CYFIP1: variants seen among roughly 807,000 people sequenced by gnomAD.
CYFIP1 encodes cytoplasmic FMR1 interacting protein 1.
In CYFIP1, 58 loss-of-function variants were observed where a neutral mutation model predicts 163.5. The ratio of observed to expected loss-of-function variants is 0.35; its 90% CI spans 0.29 to 0.44. The LOEUF (loss-of-function observed/expected upper bound fraction) is 0.44, where lower values mean the gene tolerates loss of function less well. Ranked by LOEUF, CYFIP1 falls within the 20% of genes least tolerant of loss-of-function variation. The pLI is 1.00. For synonymous variants in CYFIP1, 663 were observed against 660.7 expected (o/e 1.00, Z -0.05); for missense variants, 1,338 against 1,653.8 (o/e 0.81, Z 3.31).
chr15:22,935,626 C>A (rs1337616643), intron 9 of CYFIP1, among the ~76,000 whole-genome samples: 2 of 151,930 alleles, frequency 1.3e-5, no homozygotes, highest in Non-Finnish European at 2.9e-5. Flanking sequence ...CTACTGGAGG[C>A]AGGAGGAGGA....
rs370179632 is a variant in CYFIP1, at chr15:22,868,386, T to C, written c.*1642A>G. The C allele has an allele frequency of 5.3e-5, 8 of 152,330 alleles. No individual in the cohort carries two copies. The highest frequency in any genetic ancestry group is 1.7e-4 in the African/African-American group (7 of 41,572). 9.4% of individuals were successfully genotyped at this position (152,330 alleles called of 1,614,324 possible). ...TAAATAATAAATTCTTATTTAACAT[T>C]TTGTAGCACTTGAGATTGTCTTATA... On this transcript the variant is annotated 3_prime_UTR_variant, in exon 31 of 31. Transcript: ENST00000617928.
intron 25 of CYFIP1, 76 bp downstream of exon 25, chr15:22,881,770 C>A: frequency 5.0e-6 from 7 of 1,405,444 alleles, no homozygotes; most frequent in Non-Finnish European, 6.9e-6. Flanking sequence ...TCTAATCCTT[C>A]TCAAGAATTT....
chr15:22,957,135 C>T (rs905733557), intron 1 of CYFIP1, among the ~76,000 whole-genome samples: 1 of 152,244 alleles, frequency 6.6e-6, no homozygotes, highest in African/African-American at 2.4e-5. Flanking sequence ...CTGCAGCCCG[C>T]ACTGAGACAG....
rs537088029 is a variant in CYFIP1 at position 22,917,038 on chromosome 15, G to A, written c.1675-408C>T. The A allele has an allele frequency of 1.3e-4, 194 of 1,531,044 alleles. 1 individual carries two copies. The highest frequency in any genetic ancestry group is 2.6e-4 in the South Asian group (21 of 81,212). The allele number at this position is 1,531,044 out of a possible 1,614,324, so 94.8% of individuals were successfully genotyped here. On this transcript the variant is annotated intron_variant, in intron 15 of 30. Transcript: ENST00000617928. This position sits in a 1 kb window ranked among gnomAD's most constrained non-coding sequence, Gnocchi z 4.2. ...GTGCGCACCAGGTAGAGCTAGACACGGACAGACAGGAGGGAGAGGCAGGAG... is the reference window on the plus strand; with the variant it reads ...GTGCGCACCAGGTAGAGCTAGACACAGACAGACAGGAGGGAGAGGCAGGAG...
Position 22,928,156 on chromosome 15 carries a change from C to T in CYFIP1, c.1111-128G>A, listed in dbSNP as rs569858685. On this transcript the variant is annotated intron_variant, in intron 11 of 30. Transcript: ENST00000617928. ...AAATAAGAAATGCAGGAGGCCAAGGCGGGCGGATCACAAGGTCGGGAGATC... is the reference window on the plus strand; with the variant it reads ...AAATAAGAAATGCAGGAGGCCAAGGTGGGCGGATCACAAGGTCGGGAGATC... 5 of 1,178,430 alleles carry T rather than the reference C, an allele frequency of 4.2e-6. No individual in the cohort carries two copies. In the African/African-American group the frequency reaches 4.8e-5, roughly 11 times the overall value. 73.0% of individuals were successfully genotyped at this position (1,178,430 alleles called of 1,614,324 possible). A position where few individuals can be genotyped will look rare whatever the true frequency, so the allele number is the denominator to read the frequency against.
rs944290551 is a variant in CYFIP1 at position 22,885,804 on chromosome 15, G to A, written c.2677-2793C>T. ...GTTCCAAACTTTCCCACATCTTCCC[G>A]CCTTCTTTGGAGCCCTCCGAACTGT... On this transcript the variant is annotated intron_variant, in intron 23 of 30. Coordinates refer to ENST00000617928, the MANE Select transcript of CYFIP1 (RefSeq NM_014608.6). 5.8e-4 allele frequency among the ~76,000 whole-genome samples: 88 copies of A among 152,006 alleles called. 5 individuals are homozygous for A. The highest frequency in any genetic ancestry group is 1.5e-5 in the Non-Finnish European group (1 of 68,012).
At chr15:22,906,038 C>T (rs1213847007) in intron 21 of CYFIP1, among the ~76,000 whole-genome samples, 2 of 152,090 alleles carry the variant, frequency 1.3e-5, no homozygotes, top group South Asian at 2.1e-4. Flanking sequence ...GGATTACAGG[C>T]ATGAGCCACT....
chr15:22,937,811 G>C (rs1393861091), intron 8 of CYFIP1, among the ~76,000 whole-genome samples: 1 of 151,934 alleles, frequency 6.6e-6, no homozygotes, highest in East Asian at 1.9e-4. Flanking sequence ...CACCATGTTG[G>C]TCAGGCTGGT....
chr15:22,898,189 T>C (rs2141985107), intron 22 of CYFIP1, among the ~76,000 whole-genome samples: 1 of 152,282 alleles, frequency 6.6e-6, no homozygotes, highest in South Asian at 2.1e-4. Flanking sequence ...TCCTGTCCAG[T>C]TTTTCACTTA....
intron 9 of CYFIP1, 23 bp downstream of exon 9, chr15:22,937,081 T>C (rs755449129): frequency 7.5e-6 from 11 of 1,473,466 alleles, no homozygotes; most frequent in Admixed American, 5.0e-5. Context: ...ATAAAAACAT[T>C]GATCTAAAAA....
At chr15:22,954,482 A>G (rs1248980003) in intron 1 of CYFIP1, among the ~76,000 whole-genome samples, 2 of 152,224 alleles carry the variant, frequency 1.3e-5, no homozygotes, top group African/African-American at 4.8e-5. Flanking sequence ...GAAAGAGCAC[A>G]CTGCTGGGAA....
intron 22 of CYFIP1, among the ~76,000 whole-genome samples, chr15:22,901,181 C>T (rs57026710): frequency 0.01 from 1,561 of 150,496 alleles, 28 homozygotes; most frequent in African/African-American, 0.037. Flanking sequence ...CCAGCCTGGG[C>T]AACAGAGTAA....
intron 1 of CYFIP1, among the ~76,000 whole-genome samples, chr15:22,961,199 T>C (rs908798851): frequency 6.6e-6 from 1 of 151,700 alleles, no homozygotes; most frequent in Non-Finnish European, 1.5e-5. Flanking sequence ...TGTTTGTATT[T>C]TTAGTAGAGA....
chr15:22,904,455 C>T (rs1384444471), intron 21 of CYFIP1: 3 of 167,198 alleles, frequency 1.8e-5, no homozygotes, highest in Admixed American at 5.5e-5. Flanking sequence ...CCACCTGAGG[C>T]GCACTACATG....
intron 11 of CYFIP1, among the ~76,000 whole-genome samples, chr15:22,930,208 A>C (rs2061492411): frequency 6.7e-6 from 1 of 150,174 alleles, no homozygotes. Flanking sequence ...CAAAAAACAC[A>C]CACAAAAAAA....
At chr15:22,896,398 G>T (rs1566940340) in intron 22 of CYFIP1, among the ~76,000 whole-genome samples, 1 of 151,894 alleles carries the variant, frequency 6.6e-6, no homozygotes, top group East Asian at 1.9e-4. Context: ...GAAATTCAAG[G>T]GCATTAATTT....
chr15:22,918,975 T>G, intron 13 of CYFIP1, 117 bp from the exon 14 acceptor site: 1 of 784,542 alleles, frequency 1.3e-6, no homozygotes, highest in East Asian at 2.6e-5. Flanking sequence ...CCCTCCCGCG[T>G]TCGTGCCCTG....
intron 12 of CYFIP1, among the ~76,000 whole-genome samples, chr15:22,927,278 A>G (rs541970535): frequency 2.0e-4 from 30 of 152,136 alleles, no homozygotes; most frequent in African/African-American, 6.7e-4. Context: ...TCAGGAGTTC[A>G]AGACCAGTGT....
rs1400409448 is a variant in CYFIP1, at chr15:22,910,781, C to T, written c.2115G>A (p.Lys705=). ...VNLCFDQFVY[K]LADQIFAYYK... ...AATAGGCAAATATCTGGTCTGCTAG[C>T]TTGTAAACAAATTGGTCAAAACATA... is the stretch of plus-strand genomic sequence containing the variant. Residue 705 remains lysine (K), a synonymous_variant, in exon 19 of 31, where the codon AAG becomes AAA. Coordinates refer to ENST00000617928, the MANE Select transcript of CYFIP1 (RefSeq NM_014608.6). The T allele has an allele frequency of 6.2e-7, 1 of 1,613,860 alleles. No homozygotes were observed. The highest frequency in any genetic ancestry group is 1.3e-5 in the African/African-American group (1 of 74,914).
Sources: gnomAD v4.1 joint callset for allele counts (sites outside exome capture counted in the v4.1 genomes callset) on GRCh38, gnomAD v4.1.1 for gene constraint, Gnocchi (gnomAD v3.1) non-coding constraint, MANE v1.5 for transcripts, NCBI Gene and HGNC (gene_info 2026-07-23, HGNC 2026-07-21) for gene names.